RPA3: variants seen among roughly 807,000 people sequenced by gnomAD.
RPA3 encodes the protein replication protein A 14 kDa subunit.
RPA3 carries 24 observed loss-of-function variants against 13.7 expected under a neutral mutation model. That is an observed-to-expected ratio of 1.75 (90% CI 1.27 to 2.46). The LOEUF (loss-of-function observed/expected upper bound fraction) is 2.46. Ranked by LOEUF, RPA3 falls within the 30% of genes most tolerant of loss-of-function variation. The probability of loss-of-function intolerance (pLI) is 0.00; values close to 1 mark genes in which losing one functional copy is unlikely to be tolerated. For synonymous variants in RPA3, 59 were observed against 51.2 expected (o/e 1.15, Z -0.65); for missense variants, 183 against 151.0 (o/e 1.21, Z -1.11).
rs191975870 is a variant in RPA3 at position 7,686,403 on chromosome 7, T to C, written c.-926-405A>G. 3.9e-5 allele frequency among the ~76,000 whole-genome samples: 6 copies of C among 152,312 alleles called. No homozygotes were observed. The East Asian group carries it at 1.2e-3, about 29-fold the overall frequency. ...AGACCATTTTAAAGCAGTAAAGTTA[T>C]GGGTTTTGTTTTTTTGTATTTTTTA... On this transcript the variant is annotated intron_variant, in intron 3 of 7. Coordinates refer to ENST00000223129, the MANE Select transcript of RPA3 (RefSeq NM_002947.5).
At chr7:7,689,948 T>C (rs1162109908) in intron 2 of RPA3, among the ~76,000 whole-genome samples, 1 of 152,222 alleles carries the variant, frequency 6.6e-6, no homozygotes, top group East Asian at 1.9e-4. Context: ...TTGCTACTTA[T>C]ATATAGGTGT....
chr7:7,658,831 G>A (rs1040992012), intron 4 of RPA3, among the ~76,000 whole-genome samples: 8 of 152,272 alleles, frequency 5.3e-5, no homozygotes, highest in African/African-American at 1.9e-4. Context: ...AAATGAGTTA[G>A]GGAGGAGCCC....
intron 4 of RPA3, among the ~76,000 whole-genome samples, chr7:7,649,358 C>T (rs1785170302): frequency 6.6e-6 from 1 of 151,942 alleles, no homozygotes; most frequent in Non-Finnish European, 1.5e-5. Flanking sequence ...CAGGAAACTA[C>T]TCCCCCAATA....
intron 2 of RPA3, among the ~76,000 whole-genome samples, chr7:7,709,737 G>GCTCTTGCT (rs1780703711): frequency 1.3e-5 from 2 of 151,852 alleles, no homozygotes; most frequent in South Asian, 4.2e-4. Context: ...ATTATTCTTA[G>GCTCTTGCT]CTCTTGCTTA....
At chr7:7,677,669 T>G (rs28823742) in intron 4 of RPA3, among the ~76,000 whole-genome samples, 3 of 133,342 alleles carry the variant, frequency 2.2e-5, no homozygotes, top group African/African-American at 2.9e-5. Context: ...TTTTTGTTTT[T>G]TTTTTTTTTT....
At chr7:7,708,405 A>G (rs973940781) in intron 2 of RPA3, among the ~76,000 whole-genome samples, 1 of 152,202 alleles carries the variant, frequency 6.6e-6, no homozygotes, top group Non-Finnish European at 1.5e-5. Context: ...TTGTTTCTGT[A>G]TTAAACAGTT....
chr7:7,670,235 G>A (rs565888186), intron 4 of RPA3, among the ~76,000 whole-genome samples: 7 of 152,106 alleles, frequency 4.6e-5, no homozygotes, highest in East Asian at 1.9e-4. Context: ...TGTGATATCC[G>A]TGTTTGTTCC....
rs1784875514 is a variant in RPA3, at chr7:7,636,914, A to G, written c.*86T>C. On this transcript the variant is annotated 3_prime_UTR_variant, in exon 8 of 8. Coordinates refer to ENST00000223129, the MANE Select transcript of RPA3 (RefSeq NM_002947.5). ...AACAGCAAATTAAATATGAGAAAGC[A>G]CAGAAATCTCTCCCTCAAACAAGAA... 2.1e-6 allele frequency: 2 copies of G among 970,532 alleles called. No individual in the cohort carries two copies. Among genetic ancestry groups the G allele is most frequent in the Non-Finnish European group, 3.2e-6 (2 of 617,220 alleles). 60.1% of individuals were successfully genotyped at this position (970,532 alleles called of 1,614,324 possible). A position where few individuals can be genotyped will look rare whatever the true frequency, so the allele number is the denominator to read the frequency against.
At chr7:7,664,361 T>A (rs1362064421) in intron 4 of RPA3, among the ~76,000 whole-genome samples, 1 of 152,204 alleles carries the variant, frequency 6.6e-6, no homozygotes, top group Non-Finnish European at 1.5e-5. Flanking sequence ...TCTAGCATGC[T>A]ATTTTACATT....
At chr7:7,639,207 G>C in intron 5 of RPA3, 63 bp from the exon 6 acceptor site, 1 of 1,245,956 alleles carries the variant, frequency 8.0e-7, no homozygotes, top group South Asian at 1.3e-5. Context: ...CTAAAGATGA[G>C]TACATTGATC....
chr7:7,686,198 T>C (rs1780038440), intron 3 of RPA3, among the ~76,000 whole-genome samples, 200 bp from the exon 4 acceptor site: 1 of 152,134 alleles, frequency 6.6e-6, no homozygotes, highest in Non-Finnish European at 1.5e-5. Context: ...GTGGGGCAGA[T>C]TGTGTAAAGT....
intron 1 of RPA3, 131 bp downstream of exon 1, chr7:7,718,384 A>G (rs763019051): frequency 1.3e-5 from 2 of 152,250 alleles, no homozygotes; most frequent in African/African-American, 2.4e-5. Context: ...CAGCACTAGC[A>G]TGGAACAAAT....
chr7:7,657,234 C>G (rs1785365412), intron 4 of RPA3, among the ~76,000 whole-genome samples: 1 of 146,342 alleles, frequency 6.8e-6, no homozygotes, highest in African/African-American at 2.5e-5. Context: ...ATGGATAGAT[C>G]ACAAAAATTT....
chr7:7,709,553 G>A (rs1030952126), intron 2 of RPA3, among the ~76,000 whole-genome samples: 2 of 152,248 alleles, frequency 1.3e-5, no homozygotes, highest in African/African-American at 4.8e-5. Flanking sequence ...CGCTGAGCCT[G>A]CAAGGGCAAA....
At chr7:7,637,107 T>A (rs970342596) in intron 7 of RPA3, 25 bp from the exon 8 acceptor site, 16 of 1,465,798 alleles carry the variant, frequency 1.1e-5, no homozygotes, top group Non-Finnish European at 1.4e-5. Context: ...TAAGCAAACA[T>A]TTAATCTACA....
chr7:7,707,402 T>C (rs375062118), intron 2 of RPA3, among the ~76,000 whole-genome samples: 1 of 152,182 alleles, frequency 6.6e-6, no homozygotes, highest in Non-Finnish European at 1.5e-5. Flanking sequence ...AAGCCTTGTG[T>C]TCAGTTTCTA....
At chr7:7,708,044 A>G (rs1447342850) in intron 2 of RPA3, among the ~76,000 whole-genome samples, 7 of 152,132 alleles carry the variant, frequency 4.6e-5, no homozygotes, top group Non-Finnish European at 8.8e-5. Context: ...TTGCTTCATT[A>G]AGGTCTGTTG....
intron 2 of RPA3, among the ~76,000 whole-genome samples, chr7:7,708,434 C>T (rs917616221): frequency 6.6e-6 from 1 of 152,092 alleles, no homozygotes; most frequent in Non-Finnish European, 1.5e-5. Context: ...GTCAGTGACC[C>T]TTATTCAATC....
intron 4 of RPA3, among the ~76,000 whole-genome samples, chr7:7,646,480 A>ATTTTT (rs35948027): frequency 9.0e-6 from 1 of 111,358 alleles, no homozygotes. Context: ...CTTTCGCTGG[A>ATTTTT]TTTTTTTTTT....
Sources: allele counts gnomAD v4.1 joint callset (sites outside exome capture counted in the v4.1 genomes callset), GRCh38; gene constraint gnomAD v4.1.1; transcripts MANE v1.5; gene names NCBI Gene and HGNC (gene_info 2026-07-23, HGNC 2026-07-21).